Variants in GLRA3 observed in about 807,000 individuals in gnomAD.
GLRA3 encodes glycine receptor subunit alpha-3.
A neutral mutation model predicts 60.4 loss-of-function variants in GLRA3; 44 were observed. The observed-to-expected ratio is 0.73, with a 90% CI of 0.57 to 0.94. The LOEUF is 0.94. GLRA3 is among the 40% of genes least tolerant of loss of function. The pLI, the probability that GLRA3 is intolerant of heterozygous loss-of-function variation, is 0.00. For missense variants in GLRA3, 508 were observed against 564.6 expected (o/e 0.90, Z 1.02); for synonymous variants, 223 against 192.9 (o/e 1.16, Z -1.29).
intron 7 of GLRA3, among the ~76,000 whole-genome samples, chr4:174,660,467 A>G (rs1446107663): frequency 6.8e-6 from 1 of 147,714 alleles, no homozygotes; most frequent in East Asian, 2.0e-4. Flanking sequence ...GGAATTCCCA[A>G]CCAGTGATTC....
intron 7 of GLRA3, among the ~76,000 whole-genome samples, chr4:174,663,611 A>G (rs1733543248): frequency 6.6e-6 from 1 of 152,140 alleles, no homozygotes; most frequent in Non-Finnish European, 1.5e-5. Context: ...TTTCCTCATC[A>G]TCTCTTCGAA....
intron 1 of GLRA3, among the ~76,000 whole-genome samples, chr4:174,808,219 G>T (rs1285261923): frequency 2.6e-5 from 4 of 151,904 alleles, no homozygotes; most frequent in Non-Finnish European, 5.9e-5. Flanking sequence ...TAATATAAGG[G>T]TATTATTCAG....
At chr4:174,720,453 T>C (rs572665520) in intron 4 of GLRA3, among the ~76,000 whole-genome samples, 1 of 152,332 alleles carries the variant, frequency 6.6e-6, no homozygotes, top group Non-Finnish European at 1.5e-5. Context: ...TAATTAGTAT[T>C]GTCACTGCCA....
At chr4:174,754,705 GA>G (rs1737621755) in intron 3 of GLRA3, among the ~76,000 whole-genome samples, 1 of 151,884 alleles carries the variant, frequency 6.6e-6, no homozygotes, top group Admixed American at 6.6e-5. Context: ...CAAAAGAACA[GA>G]AAAAAATGGA....
intron 1 of GLRA3, among the ~76,000 whole-genome samples, chr4:174,824,444 C>T (rs778805395): frequency 2.0e-5 from 3 of 152,140 alleles, no homozygotes; most frequent in Non-Finnish European, 4.4e-5. Flanking sequence ...GTAATGATGA[C>T]TACTCAGTTA....
chr4:174,789,829 G>C (rs1330998304), intron 1 of GLRA3, among the ~76,000 whole-genome samples: 1 of 152,150 alleles, frequency 6.6e-6, no homozygotes, highest in Non-Finnish European at 1.5e-5. Context: ...ATGTGTTCAA[G>C]CTGATGTCAC....
rs1378120678 is a variant in GLRA3 at position 174,659,120 on chromosome 4, T to C, written c.1005A>G (p.Ala335=). 19 of 1,612,184 alleles carry C rather than the reference T, an allele frequency of 1.2e-5. No individual in the cohort carries two copies. Among genetic ancestry groups the C allele is most frequent in the Non-Finnish European group, 1.6e-5 (19 of 1,178,462 alleles). The part of the protein sequence containing the change: ...LFVFSALLEY[A]AVNFVSRQHK... ...GTTGTCTTGATACAAAATTTACAGC[T>C]GCATACTCCAGAAGTGCTGAAAACA... Residue 335 remains alanine, a synonymous_variant, in exon 8 of 10, where the codon GCA becomes GCG. Transcript: ENST00000274093.
intron 1 of GLRA3, among the ~76,000 whole-genome samples, chr4:174,816,867 T>G (rs142051157): frequency 3.7e-4 from 56 of 152,296 alleles, no homozygotes; most frequent in Non-Finnish European, 6.0e-4. Context: ...ATAGCAGGTA[T>G]ATATATTTAT....
At chr4:174,813,303 G>T (rs1049778237) in intron 1 of GLRA3, among the ~76,000 whole-genome samples, 8 of 152,156 alleles carry the variant, frequency 5.3e-5, no homozygotes, top group African/African-American at 9.7e-5. Context: ...AATAAACAGA[G>T]AATTTTAATT....
At position 174,817,213 on chromosome 4, in the gene GLRA3, T is replaced by C. The variant is rs1477707617; in HGVS notation, c.71+11528A>G. 2.6e-5 allele frequency among the ~76,000 whole-genome samples: 4 copies of C among 152,190 alleles called. No individual in the cohort carries two copies. The South Asian group carries it at 6.2e-4, about 24-fold the overall frequency. ...CAAAATCTTTAACATCTTGGAAGTG[T>C]CTTTAAAGAGAAGCCTCTTCGTTCT... On this transcript the variant is annotated intron_variant, in intron 1 of 9. Transcript: ENST00000274093.
intron 9 of GLRA3, among the ~76,000 whole-genome samples, chr4:174,656,529 T>C (rs1733212272): frequency 1.3e-5 from 2 of 152,096 alleles, no homozygotes; most frequent in African/African-American, 4.8e-5. Context: ...AGGGTAATAT[T>C]TAAATATCCT....
chr4:174,801,185 C>G lies in GLRA3; in HGVS notation c.72-12242G>C, dbSNP rs998162717. ...GCAACATCTGTATTTACTCTTGAAT[C>G]CACACCAGCCTCTTTCACCACTCCA... On this transcript the variant is annotated intron_variant, in intron 1 of 9. Coordinates refer to ENST00000274093, the MANE Select transcript of GLRA3 (RefSeq NM_006529.4). Among the ~76,000 whole-genome samples, 4 of 152,154 alleles carry G rather than the reference C, an allele frequency of 2.6e-5. No individual in the cohort carries two copies. The Middle Eastern group carries it at 0.014, about 518-fold the overall frequency.
At chr4:174,802,797 A>G (rs1318320350) in intron 1 of GLRA3, among the ~76,000 whole-genome samples, 1 of 152,152 alleles carries the variant, frequency 6.6e-6, no homozygotes, top group Non-Finnish European at 1.5e-5. Flanking sequence ...ATAGTCTGAA[A>G]ATTGTCATTT....
chr4:174,712,903 A>T (rs941847572), intron 5 of GLRA3: 11 of 147,802 alleles, frequency 7.4e-5, no homozygotes, highest in African/African-American at 2.8e-4. Context: ...ATACACACAC[A>T]TATATGCATA....
chr4:174,793,262 T>C (rs1239778730), intron 1 of GLRA3, among the ~76,000 whole-genome samples: 1 of 151,998 alleles, frequency 6.6e-6, no homozygotes, highest in Non-Finnish European at 1.5e-5. Context: ...ATCTTTGCTT[T>C]AAATAACCAT....
At position 174,715,480 on chromosome 4, in the gene GLRA3, A is replaced by G. The variant is rs749472059; in HGVS notation, c.574+8T>C. The G allele has an allele frequency of 1.5e-6, 2 of 1,360,714 alleles. No homozygotes were observed. Among genetic ancestry groups the G allele is most frequent in the Non-Finnish European group, 1.0e-6 (1 of 956,318 alleles). The allele number at this position is 1,360,714 out of a possible 1,614,324, so 84.3% of individuals were successfully genotyped here. ...AAGTATTTTAAAAAGTAAGTGGTTC[A>G]TACTTACAGCTTTCCAGTTGCATTA... On this transcript the variant is annotated splice_region_variant and intron_variant, in intron 5 of 9. Transcript: ENST00000274093.
intron 9 of GLRA3, among the ~76,000 whole-genome samples, chr4:174,646,066 A>G (rs1423098073): frequency 2.6e-5 from 4 of 152,224 alleles, no homozygotes; most frequent in Non-Finnish European, 5.9e-5. Flanking sequence ...AAAGACATCT[A>G]TCTCAAAGTA....
At chr4:174,692,957 AAAAG>A (rs1477321210) in intron 5 of GLRA3, among the ~76,000 whole-genome samples, 3 of 151,982 alleles carry the variant, frequency 2.0e-5, no homozygotes, top group Admixed American at 6.6e-5. Context: ...TAAAAAAAAA[AAAAG>A]AAAAGTGTCT....
chr4:174,691,812 A>G (rs1346463035), intron 5 of GLRA3, among the ~76,000 whole-genome samples: 1 of 151,236 alleles, frequency 6.6e-6, no homozygotes, highest in Non-Finnish European at 1.5e-5. Context: ...CCCGGCCGCC[A>G]CCCCATCTGG....
Sources: gnomAD v4.1 joint callset for allele counts (sites outside exome capture counted in the v4.1 genomes callset) on GRCh38, gnomAD v4.1.1 for gene constraint, MANE v1.5 for transcripts, NCBI Gene and HGNC (gene_info 2026-07-23, HGNC 2026-07-21) for gene names.